The following EEPD1 variants were observed in gnomAD, a reference collection of about 807,000 sequenced individuals.
The protein encoded by EEPD1 is endonuclease/exonuclease/phosphatase family domain containing 1, also known as endonuclease/exonuclease/phosphatase family domain-containing protein 1.
In EEPD1, 17 loss-of-function variants were observed where a neutral mutation model predicts 46.3. The ratio of observed to expected loss-of-function variants is 0.37; its 90% confidence interval spans 0.25 to 0.55. EEPD1 has a LOEUF of 0.55. Ranked by LOEUF, EEPD1 falls within the 20% of genes least tolerant of loss-of-function variation. The pLI, the probability that EEPD1 is intolerant of heterozygous loss-of-function variation, is 0.83. For synonymous variants in EEPD1, 313 were observed against 315.6 expected (o/e 0.99, Z 0.09); for missense variants, 673 against 745.6 (o/e 0.90, Z 1.13).
At chr7:36,209,508 C>T (rs1487658722) in intron 2 of EEPD1, among the ~76,000 whole-genome samples, 1 of 152,102 alleles carries the variant, frequency 6.6e-6, no homozygotes. Flanking sequence ...TGTGATGTGC[C>T]CTCCTCTGCT....
chr7:36,217,335 C>T (rs1363927085), intron 2 of EEPD1, among the ~76,000 whole-genome samples: 1 of 152,242 alleles, frequency 6.6e-6, no homozygotes, highest in Non-Finnish European at 1.5e-5. Flanking sequence ...CACTTACAAA[C>T]TGTCATGGCA....
intron 3 of EEPD1, among the ~76,000 whole-genome samples, chr7:36,273,385 A>T (rs1160302611): frequency 6.6e-6 from 1 of 151,880 alleles, no homozygotes; most frequent in African/African-American, 2.4e-5. Context: ...GGCTTTTTTT[A>T]AAAAACAGGA....
At chr7:36,182,674 C>T (rs754929501) in intron 2 of EEPD1, among the ~76,000 whole-genome samples, 2 of 152,220 alleles carry the variant, frequency 1.3e-5, no homozygotes, top group Non-Finnish European at 2.9e-5. Flanking sequence ...GTGGACTTGC[C>T]CAGTAATGCA....
chr7:36,224,251 C>G (rs998308765), intron 2 of EEPD1, among the ~76,000 whole-genome samples: 17 of 152,220 alleles, frequency 1.1e-4, no homozygotes, highest in African/African-American at 4.1e-4. Flanking sequence ...CACCCCTGTT[C>G]AGTGGGATCT....
intron 3 of EEPD1, among the ~76,000 whole-genome samples, chr7:36,279,965 AG>A (rs1787235461): frequency 6.6e-6 from 1 of 152,196 alleles, no homozygotes; most frequent in South Asian, 2.1e-4. Flanking sequence ...ACTCTGAAAC[AG>A]GCTCCAGCAG....
At chr7:36,216,254 AG>A (rs750440803) in intron 2 of EEPD1, among the ~76,000 whole-genome samples, 6 of 152,244 alleles carry the variant, frequency 3.9e-5, no homozygotes, top group Non-Finnish European at 8.8e-5. Context: ...CTGAGCTTAG[AG>A]GACCTTTCCA....
intron 2 of EEPD1, among the ~76,000 whole-genome samples, chr7:36,200,226 G>A (rs773426142): frequency 1.3e-5 from 2 of 152,082 alleles, no homozygotes; most frequent in African/African-American, 2.4e-5. Context: ...GTGAGAACAT[G>A]TGGTATTTGG....
rs191576812 is a variant in EEPD1, at chr7:36,285,204, G to A, written c.1176+384G>A. On this transcript the variant is annotated intron_variant, in intron 5 of 7. Transcript: ENST00000242108. The stretch of plus-strand genomic sequence containing the variant: ...TATCCGGATGGCCTACTTTCCAAAA[G>A]CCCCTTCAGTGATCCTTCACCTTCC... Among the ~76,000 whole-genome samples, 51 of 152,296 alleles carry A rather than the reference G, an allele frequency of 3.3e-4. No homozygotes were observed. The East Asian group carries it at 8.1e-3, about 24-fold the overall frequency.
chr7:36,232,492 G>A (rs1786351536), intron 2 of EEPD1, among the ~76,000 whole-genome samples: 2 of 151,792 alleles, frequency 1.3e-5, no homozygotes, highest in Admixed American at 6.6e-5. Context: ...ACGTGATACT[G>A]CACCAGCCCT....
At chr7:36,203,018 G>A (rs1209183572) in intron 2 of EEPD1, among the ~76,000 whole-genome samples, 2 of 152,196 alleles carry the variant, frequency 1.3e-5, no homozygotes, top group African/African-American at 4.8e-5. Context: ...GGATTAATCA[G>A]GTGAGGCGGG....
At position 36,301,280 on chromosome 7, in the gene EEPD1, G is replaced by C. The variant is rs1452456238; in HGVS notation, c.*2074G>C. ...GTTCTTACTCCAGCTCAACCCATTG[G>C]GTGTTGGCTGTTTTTGGTTTTAGTT... On this transcript the variant is annotated 3_prime_UTR_variant, in exon 8 of 8. Transcript: ENST00000242108. 2.0e-5 allele frequency: 3 copies of C among 152,138 alleles called. No homozygotes were observed. Among genetic ancestry groups the C allele is most frequent in the African/African-American group, 7.2e-5 (3 of 41,432 alleles). 9.4% of individuals were successfully genotyped at this position (152,138 alleles called of 1,614,324 possible).
chr7:36,293,050 A>G (rs956677792), intron 6 of EEPD1, among the ~76,000 whole-genome samples: 7 of 152,224 alleles, frequency 4.6e-5, no homozygotes, highest in Non-Finnish European at 7.3e-5. Flanking sequence ...AGTTAAAATA[A>G]AAAATTAGTC....
chr7:36,192,300 A>G (rs1304222150), intron 2 of EEPD1, among the ~76,000 whole-genome samples: 1 of 152,268 alleles, frequency 6.6e-6, no homozygotes, highest in Non-Finnish European at 1.5e-5. Flanking sequence ...GCAGAAGAAC[A>G]GATGCAGCAA....
chr7:36,182,431 T>G (rs1476837210), intron 2 of EEPD1, among the ~76,000 whole-genome samples: 1 of 152,206 alleles, frequency 6.6e-6, no homozygotes, highest in Non-Finnish European at 1.5e-5. Flanking sequence ...TTTCTCAGAG[T>G]GCCTCTCTTT....
intron 3 of EEPD1, among the ~76,000 whole-genome samples, chr7:36,243,177 C>T (rs1025800203): frequency 3.9e-5 from 6 of 152,164 alleles, no homozygotes; most frequent in Non-Finnish European, 7.3e-5. Context: ...TAAAAAGCCC[C>T]CAGGTGATTA....
Position 36,154,639 on chromosome 7 carries a change from C to T in EEPD1, c.315C>T (p.Ser105=). 6.2e-7 allele frequency: 1 copy of T among 1,613,934 alleles called. No individual in the cohort carries two copies. The highest frequency in any genetic ancestry group is 1.1e-5 in the South Asian group (1 of 91,086). Residue 105 remains serine (S), a synonymous_variant, in exon 2 of 8, where the codon AGC becomes AGT. Coordinates refer to ENST00000242108, the MANE Select transcript of EEPD1 (RefSeq NM_030636.3). This position sits in a 1 kb window ranked among gnomAD's most constrained non-coding sequence, Gnocchi z 4.2. ...AGATCTGTGTGAGCAGCAAGGGCAG[C>T]TCAGCGCAGCACTCTCCCAGTTCCC... ...KFEICVSSKG[S]SAQHSPSSLR...
chr7:36,294,634 T>A (rs1487559373), intron 6 of EEPD1, among the ~76,000 whole-genome samples: 1 of 152,166 alleles, frequency 6.6e-6, no homozygotes, highest in Non-Finnish European at 1.5e-5. Flanking sequence ...AATTTTTTTT[T>A]AACTTTTGTG....
At chr7:36,161,558 G>T (rs576688120) in intron 2 of EEPD1, among the ~76,000 whole-genome samples, 1 of 152,170 alleles carries the variant, frequency 6.6e-6, no homozygotes, top group Admixed American at 6.5e-5. Flanking sequence ...GCTGAGGAGG[G>T]GGAGGTCCGG....
intron 2 of EEPD1, among the ~76,000 whole-genome samples, chr7:36,160,686 G>GGGT (rs1717747629): frequency 6.7e-6 from 1 of 149,362 alleles, no homozygotes; most frequent in Non-Finnish European, 1.5e-5. Flanking sequence ...TGGGGGGCGG[G>GGGT]GCGTGCATGG....
Sources: allele counts gnomAD v4.1 joint callset (sites outside exome capture counted in the v4.1 genomes callset), GRCh38; gene constraint gnomAD v4.1.1; non-coding constraint Gnocchi (gnomAD v3.1); transcripts MANE v1.5; gene names NCBI Gene and HGNC (gene_info 2026-07-23, HGNC 2026-07-21).